The following CSNK2A2IP variants were observed in gnomAD, a reference collection of about 807,000 sequenced individuals.
CSNK2A2IP encodes casein kinase II subunit alpha'-interacting protein.
chr3:88,377,877 C>T, the CSNK2A2IP span, among the ~76,000 whole-genome samples: 2 of 151,854 alleles, frequency 1.3e-5, no homozygotes, highest in African/African-American at 4.8e-5. Flanking sequence ...CCATATGTGA[C>T]TTTTATTTAA....
the CSNK2A2IP span, among the ~76,000 whole-genome samples, chr3:88,425,876 C>A: frequency 6.6e-6 from 1 of 151,976 alleles, no homozygotes; most frequent in African/African-American, 2.4e-5. Flanking sequence ...ATGTTGCTGG[C>A]GGTAGTAGGC....
chr3:88,421,284 T>C, the CSNK2A2IP span, among the ~76,000 whole-genome samples: 1 of 152,210 alleles, frequency 6.6e-6, no homozygotes, highest in African/African-American at 2.4e-5. Flanking sequence ...CGTATGTATA[T>C]AGGAGACCTC....
chr3:88,436,892 C>T, the CSNK2A2IP span, among the ~76,000 whole-genome samples: 2 of 152,158 alleles, frequency 1.3e-5, no homozygotes, highest in Admixed American at 6.5e-5. Context: ...AATTTGGGGG[C>T]AAACCTGTTT....
the CSNK2A2IP span, among the ~76,000 whole-genome samples, chr3:88,385,499 C>T: frequency 7.2e-6 from 1 of 139,258 alleles, no homozygotes; most frequent in Non-Finnish European, 1.7e-5. Context: ...TAGTAAACAA[C>T]TATGAAATAA....
chr3:88,421,263 T>C, the CSNK2A2IP span, among the ~76,000 whole-genome samples: 2 of 152,172 alleles, frequency 1.3e-5, no homozygotes, highest in African/African-American at 4.8e-5. Context: ...CTTCTTCATA[T>C]ATTGAAGATA....
At chr3:88,438,237 T>C in the CSNK2A2IP span, among the ~76,000 whole-genome samples, 1 of 152,214 alleles carries the variant, frequency 6.6e-6, no homozygotes, top group South Asian at 2.1e-4. Context: ...TGCATTCATA[T>C]TCCTATTTGT....
chr3:88,430,332 T>C, the CSNK2A2IP span, among the ~76,000 whole-genome samples: 1 of 152,160 alleles, frequency 6.6e-6, no homozygotes, highest in African/African-American at 2.4e-5. Context: ...TACATACATA[T>C]GTGTATTATA....
chr3:88,347,431 G>A, the CSNK2A2IP span, among the ~76,000 whole-genome samples: 114 of 152,134 alleles, frequency 7.5e-4, no homozygotes, highest in Middle Eastern at 3.4e-3. Context: ...GGAATTGCCA[G>A]TCATCCCAAC....
chr3:88,360,473 A>C, the CSNK2A2IP span, among the ~76,000 whole-genome samples: 1 of 151,814 alleles, frequency 6.6e-6, no homozygotes, highest in Admixed American at 6.6e-5. Context: ...TCATGTAAGT[A>C]TAGTTACTTA....
chr3:88,340,801 T>C, the CSNK2A2IP span, among the ~76,000 whole-genome samples: 2 of 152,010 alleles, frequency 1.3e-5, no homozygotes, highest in South Asian at 4.1e-4. Flanking sequence ...TGGGTTTACA[T>C]ACTTAATTGA....
chr3:88,405,341 T>C, the CSNK2A2IP span, among the ~76,000 whole-genome samples: 1 of 152,184 alleles, frequency 6.6e-6, no homozygotes, highest in Non-Finnish European at 1.5e-5. Context: ...GACTGATCTG[T>C]GTATCAAGAG....
At chr3:88,467,083 T>C in the CSNK2A2IP span, 2 of 737,412 alleles carry the variant, frequency 2.7e-6, no homozygotes, top group African/African-American at 1.8e-5. Flanking sequence ...GAAGCAAATA[T>C]GGTGGGCGGT....
chr3:88,356,177 A>G, the CSNK2A2IP span, among the ~76,000 whole-genome samples: 3 of 152,068 alleles, frequency 2.0e-5, no homozygotes, highest in Non-Finnish European at 4.4e-5. Context: ...GCTACTGAAC[A>G]CTAGAACTTA....
At chr3:88,355,932 C>A in the CSNK2A2IP span, among the ~76,000 whole-genome samples, 1 of 152,056 alleles carries the variant, frequency 6.6e-6, no homozygotes, top group Admixed American at 6.6e-5. Flanking sequence ...TTAACCGATG[C>A]TCTTTAATTT....
the CSNK2A2IP span, among the ~76,000 whole-genome samples, chr3:88,413,934 A>G: frequency 6.6e-6 from 1 of 151,888 alleles, no homozygotes; most frequent in Non-Finnish European, 1.5e-5. Flanking sequence ...ATAGAAGAAT[A>G]GCCAAATAAC....
the CSNK2A2IP span, among the ~76,000 whole-genome samples, chr3:88,398,542 G>C: frequency 6.6e-6 from 1 of 152,012 alleles, no homozygotes; most frequent in Non-Finnish European, 1.5e-5. Context: ...CTTAAATGCT[G>C]TATATACCAA....
chr3:88,466,863 T>A, the CSNK2A2IP span: 1 of 1,118,180 alleles, frequency 8.9e-7, no homozygotes, highest in Non-Finnish European at 1.1e-6. Context: ...CAACACTTTC[T>A]GTCATACCAA....
chr3:88,449,298 A>G, the CSNK2A2IP span, among the ~76,000 whole-genome samples: 27 of 152,306 alleles, frequency 1.8e-4, no homozygotes, highest in African/African-American at 6.0e-4. Context: ...ATATGTTAGC[A>G]TGTTATTTTC....
At chr3:88,395,256 C>A in the CSNK2A2IP span, among the ~76,000 whole-genome samples, 1 of 151,836 alleles carries the variant, frequency 6.6e-6, no homozygotes, top group Admixed American at 6.6e-5. Context: ...TTTGTTTATC[C>A]AATAATCATG....
Sources: gnomAD v4.1 joint callset for allele counts (sites outside exome capture counted in the v4.1 genomes callset) on GRCh38, gnomAD v4.1.1 for gene constraint, MANE v1.5 for transcripts, NCBI Gene and HGNC (gene_info 2026-07-23, HGNC 2026-07-21) for gene names.